The following ACVR1 variants were observed in gnomAD, a reference collection of about 807,000 sequenced individuals.
ACVR1 encodes the protein activin receptor type-1.
Under a neutral mutation model 57.1 loss-of-function variants are expected in ACVR1, and 38 were observed. The observed-to-expected ratio is 0.67, with a 90% CI of 0.51 to 0.87. The LOEUF (loss-of-function observed/expected upper bound fraction) is 0.87, where lower values mean the gene tolerates loss of function less well. Ranked by LOEUF, ACVR1 falls within the 40% of genes least tolerant of loss-of-function variation. ACVR1 has a pLI of 0.00. For missense variants in ACVR1, 463 were observed against 638.2 expected (o/e 0.73, Z 2.96); for synonymous variants, 212 against 228.1 (o/e 0.93, Z 0.63).
chr2:157,784,113 C>A (rs1686626038), intron 3 of ACVR1, among the ~76,000 whole-genome samples: 1 of 152,170 alleles, frequency 6.6e-6, no homozygotes, highest in Non-Finnish European at 1.5e-5. Context: ...CTCCAAATGT[C>A]CATGACTCAC....
At chr2:157,743,103 T>C (rs1168408387) in intron 9 of ACVR1, among the ~76,000 whole-genome samples, 1 of 152,196 alleles carries the variant, frequency 6.6e-6, no homozygotes, top group East Asian at 1.9e-4. Flanking sequence ...GGCACCTTTA[T>C]GGGATCCTTC....
chr2:157,842,612 T>G (rs540662566), intron 1 of ACVR1, among the ~76,000 whole-genome samples: 1 of 152,320 alleles, frequency 6.6e-6, no homozygotes, highest in South Asian at 2.1e-4. Flanking sequence ...CGACCCTGCA[T>G]AAGGAACTCT....
At chr2:157,791,876 T>C (rs1357080026) in intron 3 of ACVR1, among the ~76,000 whole-genome samples, 1 of 152,232 alleles carries the variant, frequency 6.6e-6, no homozygotes, top group Non-Finnish European at 1.5e-5. Flanking sequence ...AAAGAAGTCA[T>C]TACTGTAACT....
At chr2:157,761,226 CTT>C in intron 8 of ACVR1, 149 bp from the exon 9 acceptor site, 1 of 723,868 alleles carries the variant, frequency 1.4e-6, no homozygotes, top group African/African-American at 1.8e-5. Context: ...CTAGAATGCC[CTT>C]TGTGATTATT....
At chr2:157,815,121 T>A (rs1165045439) in intron 2 of ACVR1, among the ~76,000 whole-genome samples, 4 of 152,102 alleles carry the variant, frequency 2.6e-5, no homozygotes, top group African/African-American at 9.7e-5. Context: ...AATGCAGCGC[T>A]ACTATGGAAG....
chr2:157,781,674 T>C (rs569463680), intron 3 of ACVR1, among the ~76,000 whole-genome samples: 2 of 152,312 alleles, frequency 1.3e-5, no homozygotes, highest in East Asian at 1.9e-4. Flanking sequence ...CAGAAACGGA[T>C]GATCAGGGAA....
chr2:157,833,997 T>C (rs771260312), intron 1 of ACVR1, among the ~76,000 whole-genome samples: 1 of 152,234 alleles, frequency 6.6e-6, no homozygotes, highest in Non-Finnish European at 1.5e-5. Flanking sequence ...AAATTTAGAC[T>C]GGTTTAACAC....
chr2:157,864,372 T>C (rs997782295), intron 1 of ACVR1, among the ~76,000 whole-genome samples: 1 of 151,956 alleles, frequency 6.6e-6, no homozygotes, highest in African/African-American at 2.4e-5. Context: ...CACCACACCT[T>C]ACTAATTTTT....
At chr2:157,786,344 C>G (rs574832589) in intron 3 of ACVR1, among the ~76,000 whole-genome samples, 10 of 152,190 alleles carry the variant, frequency 6.6e-5, no homozygotes, top group Non-Finnish European at 1.3e-4. Flanking sequence ...GGCAGGAGTG[C>G]AAGCCTGACG....
chr2:157,783,805 A>G (rs1308596017), intron 3 of ACVR1, among the ~76,000 whole-genome samples: 2 of 152,230 alleles, frequency 1.3e-5, no homozygotes, highest in Non-Finnish European at 2.9e-5. Context: ...CTTACTTTGT[A>G]TATTCCCATA....
rs1684541354 is a variant in ACVR1, at chr2:157,736,600, A to AAATTCTACTG, written c.*921_*930dup. 3.3e-6 allele frequency: 1 copy of AAATTCTACTG among 307,142 alleles called. No homozygotes were observed. The highest frequency in any genetic ancestry group is 6.0e-6 in the Non-Finnish European group (1 of 166,912). 19.0% of individuals were successfully genotyped at this position (307,142 alleles called of 1,614,324 possible). A position where few individuals can be genotyped will look rare whatever the true frequency, so the allele number is the denominator to read the frequency against. On this transcript the variant is annotated 3_prime_UTR_variant, in exon 11 of 11. Transcript: ENST00000434821. Reference sequence around the variant, plus strand: ...ATTTTCCCCGTAGCGTTCAGGACTAAAATTCTACTGAAATCTTTGCTTCTA... The same window carrying AAATTCTACTG: ...ATTTTCCCCGTAGCGTTCAGGACTAAAATTCTACTGAATTCTACTGAAATCTTTGCTTCTA...
chr2:157,751,742 A>G (rs1172095702), intron 9 of ACVR1, among the ~76,000 whole-genome samples: 1 of 152,174 alleles, frequency 6.6e-6, no homozygotes, highest in Non-Finnish European at 1.5e-5. Context: ...AATGCTGGGA[A>G]CATAACTCCA....
intron 1 of ACVR1, among the ~76,000 whole-genome samples, chr2:157,847,346 A>G (rs1004458467): frequency 6.6e-6 from 1 of 152,206 alleles, no homozygotes; most frequent in Non-Finnish European, 1.5e-5. Context: ...CATGCCTATC[A>G]GAGATTGACC....
intron 9 of ACVR1, among the ~76,000 whole-genome samples, chr2:157,739,685 G>T (rs17182166): frequency 0.16 from 23,811 of 152,104 alleles, 1,943 homozygotes; most frequent in African/African-American, 0.2. Flanking sequence ...CACCTGAAAA[G>T]CTTCAATTCC....
At chr2:157,857,506 T>C (rs960093871) in intron 1 of ACVR1, among the ~76,000 whole-genome samples, 43 of 152,238 alleles carry the variant, frequency 2.8e-4, no homozygotes, top group African/African-American at 1.0e-3. Flanking sequence ...CACTAAATCA[T>C]TCATCATCAG....
intron 1 of ACVR1, among the ~76,000 whole-genome samples, chr2:157,855,381 TC>T (rs1689498164): frequency 6.9e-6 from 1 of 144,080 alleles, no homozygotes; most frequent in Non-Finnish European, 1.5e-5. Context: ...TCATCTGTGG[TC>T]CCAGCTATTC....
chr2:157,765,835 A>T (rs1186167725), intron 8 of ACVR1, 86 bp downstream of exon 8: 1 of 1,409,658 alleles, frequency 7.1e-7, no homozygotes, highest in African/African-American at 1.4e-5. Context: ...ATTTTGCATA[A>T]CATGTTGTGG....
At chr2:157,824,608 A>C (rs1187926048) in intron 1 of ACVR1, among the ~76,000 whole-genome samples, 1 of 152,222 alleles carries the variant, frequency 6.6e-6, no homozygotes, top group African/African-American at 2.4e-5. Flanking sequence ...CCAGACACCA[A>C]ACAGGAAGGC....
chr2:157,832,325 A>C (rs1688610609), intron 1 of ACVR1, among the ~76,000 whole-genome samples: 1 of 152,236 alleles, frequency 6.6e-6, no homozygotes, highest in Non-Finnish European at 1.5e-5. Flanking sequence ...AAAATGAAAC[A>C]GCCTCTACCA....
Sources: allele counts gnomAD v4.1 joint callset (sites outside exome capture counted in the v4.1 genomes callset), GRCh38; gene constraint gnomAD v4.1.1; transcripts MANE v1.5; gene names NCBI Gene and HGNC (gene_info 2026-07-23, HGNC 2026-07-21).